TNRC18: variants seen among roughly 807,000 people sequenced by gnomAD.
TNRC18 encodes trinucleotide repeat-containing gene 18 protein.
TNRC18 carries 69 observed loss-of-function variants against 226.7 expected under a neutral mutation model. The ratio of observed to expected loss-of-function variants is 0.30; its 90% CI spans 0.25 to 0.37. The LOEUF is 0.37. TNRC18 is among the 10% of genes least tolerant of loss of function. TNRC18 has a pLI of 1.00. For synonymous variants in TNRC18, 2,449 were observed against 1,927.6 expected (o/e 1.27, Z -7.09); for missense variants, 4,754 against 4,256.6 (o/e 1.12, Z -3.25).
At chr7:5,409,903 A>G (rs1321535848) in intron 2 of TNRC18, among the ~76,000 whole-genome samples, 1 of 150,490 alleles carries the variant, frequency 6.6e-6, no homozygotes, top group East Asian at 2.0e-4. Context: ...AGGCAGGAGA[A>G]TGACATGAAC....
Position 5,313,428 on chromosome 7 carries a change from C to G in TNRC18, c.7463G>C (p.Gly2488Ala). 6.2e-7 allele frequency: 1 copy of G among 1,608,470 alleles called. No homozygotes were observed. Among genetic ancestry groups the G allele is most frequent in the Non-Finnish European group, 8.5e-7 (1 of 1,177,996 alleles). Residue 2488 changes from glycine to alanine, a missense_variant, in exon 27 of 30, where the codon GGG (glycine) becomes GCG (alanine). Physicochemically the swap from Gly to Ala is moderately conservative, Grantham distance 60. Coordinates refer to ENST00000430969, the MANE Select transcript of TNRC18 (RefSeq NM_001080495.3). ...CTTGGGCTCCTGCCAGCCCCCCGCC[C>G]CCGGATCCTCCCGGAGCAGCAGGGC... is the stretch of plus-strand genomic sequence containing the variant. Reference protein sequence around the residue: ...KEALLLREDPGAGGWQEPKSL... With the variant: ...KEALLLREDPAAGGWQEPKSL...
At position 5,351,832 on chromosome 7, in the gene TNRC18, T is replaced by TTCC; in HGVS notation, c.5454_5456dup (p.Glu1819dup). On this transcript the variant is annotated inframe_insertion, in exon 17 of 30. Coordinates refer to ENST00000430969, the MANE Select transcript of TNRC18 (RefSeq NM_001080495.3). ...GGAGCTAGTAACCTTGGTCAAACGA[T>TTCC]TCCTCCGAAGAGTCGCTGAAGGAGG... is the stretch of plus-strand genomic sequence containing the variant. 1 of 1,587,358 alleles carries TTCC rather than the reference T, an allele frequency of 6.3e-7. No homozygotes were observed. The highest frequency in any genetic ancestry group is 1.1e-5 in the South Asian group (1 of 87,990).
At chr7:5,363,240 T>C (rs1793253926) in intron 11 of TNRC18, among the ~76,000 whole-genome samples, 1 of 149,902 alleles carries the variant, frequency 6.7e-6, no homozygotes, top group Non-Finnish European at 1.5e-5. Flanking sequence ...GAGGCAGAGG[T>C]TGCAGTGAGC....
At chr7:5,362,126 G>A (rs1442463149) in intron 12 of TNRC18, 93 bp from the exon 13 acceptor site, 222 of 1,478,362 alleles carry the variant, frequency 1.5e-4, no homozygotes, top group Non-Finnish European at 1.2e-5. Context: ...AGGAAGGGGA[G>A]ACTGCACTGG....
chr7:5,412,360 G>A (rs867397921), intron 2 of TNRC18, among the ~76,000 whole-genome samples: 1 of 151,946 alleles, frequency 6.6e-6, no homozygotes, highest in African/African-American at 2.4e-5. Context: ...TGGATCACCT[G>A]AAGTCATGAG....
intron 10 of TNRC18, among the ~76,000 whole-genome samples, chr7:5,372,142 A>T (rs181323222): frequency 1.3e-5 from 2 of 151,216 alleles, no homozygotes; most frequent in Admixed American, 1.3e-4. Flanking sequence ...ATCGCGGCTC[A>T]CTACAAGCTC....
intron 2 of TNRC18, among the ~76,000 whole-genome samples, chr7:5,417,867 A>T (rs1433524572): frequency 6.6e-6 from 1 of 152,172 alleles, no homozygotes; most frequent in East Asian, 1.9e-4. Context: ...TTCTAAATCA[A>T]TCCCAGTAGG....
chr7:5,309,204 G>A lies in TNRC18; in HGVS notation c.8553C>T (p.Asn2851=). ...AGAACCACTTGACGCGGACCACCAT[G>A]TTGTTGCCCCACGACTCCCACATGC... ...IQSMWESWGN[N]MVVRVKWFYH... Residue 2851 remains asparagine (N), a synonymous_variant, in exon 28 of 30, where the codon AAC becomes AAT. Coordinates refer to ENST00000430969, the MANE Select transcript of TNRC18 (RefSeq NM_001080495.3). This position sits in a 1 kb window ranked among gnomAD's most constrained non-coding sequence, Gnocchi z 5.7. 2 of 1,613,638 alleles carry A rather than the reference G, an allele frequency of 1.2e-6. No homozygotes were observed.
intron 2 of TNRC18, among the ~76,000 whole-genome samples, chr7:5,402,706 T>G (rs1584084431): frequency 6.6e-6 from 1 of 151,812 alleles, no homozygotes; most frequent in East Asian, 1.9e-4. Flanking sequence ...ATATAAAAAC[T>G]AGCCGGGCGT....
chr7:5,397,502 C>T (rs1223830632), intron 2 of TNRC18, among the ~76,000 whole-genome samples: 31 of 152,218 alleles, frequency 2.0e-4, no homozygotes, highest in Admixed American at 2.0e-3. Context: ...CCCCAGCATC[C>T]CCAGCAAGGC....
chr7:5,374,198 G>GC lies in TNRC18; in HGVS notation c.3085_3086insG (p.Ser1029CysfsTer85). On this transcript the variant is annotated frameshift_variant, in exon 10 of 30. Coordinates refer to ENST00000430969, the MANE Select transcript of TNRC18 (RefSeq NM_001080495.3). LOFTEE classifies it high-confidence loss of function. ...GGCGGGCGGCGGGCTGGTGGGGTGGGAGCTGGGGGTGGCGGGGTAGGCGTA... is the reference window on the plus strand; with the variant it reads ...GGCGGGCGGCGGGCTGGTGGGGTGGGCAGCTGGGGGTGGCGGGGTAGGCGTA... The GC allele has an allele frequency of 2.2e-6, 2 of 899,912 alleles. No individual in the cohort carries two copies. The highest frequency in any genetic ancestry group is 7.1e-5 in the East Asian group (1 of 14,094). The allele number at this position is 899,912 out of a possible 1,614,324, so 55.7% of individuals were successfully genotyped here.
chr7:5,360,997 C>G (rs944588763), intron 14 of TNRC18, among the ~76,000 whole-genome samples: 1 of 152,316 alleles, frequency 6.6e-6, no homozygotes, highest in East Asian at 1.9e-4. Flanking sequence ...CCTTTCCGAT[C>G]GTGCTACAGA....
intron 5 of TNRC18, among the ~76,000 whole-genome samples, chr7:5,383,218 G>T (rs960875963): frequency 6.6e-6 from 1 of 152,094 alleles, no homozygotes; most frequent in East Asian, 1.9e-4. Context: ...GCCCCTTATC[G>T]TTCTTAGCTT....
intron 11 of TNRC18, among the ~76,000 whole-genome samples, chr7:5,365,053 G>T (rs926661862): frequency 6.6e-6 from 1 of 152,016 alleles, no homozygotes; most frequent in Non-Finnish European, 1.5e-5. Context: ...GGGCAGCCTA[G>T]AACACTCTTG....
chr7:5,391,295 G>A (rs1002686692), intron 3 of TNRC18, among the ~76,000 whole-genome samples: 1 of 151,818 alleles, frequency 6.6e-6, no homozygotes, highest in African/African-American at 2.4e-5. Flanking sequence ...GCATCAGGAC[G>A]TGCTGACTTC....
At chr7:5,382,249 C>T (rs1308691555) in intron 5 of TNRC18, among the ~76,000 whole-genome samples, 1 of 152,208 alleles carries the variant, frequency 6.6e-6, no homozygotes, top group Non-Finnish European at 1.5e-5. Context: ...CACCAACATA[C>T]ACGGCCCCAC....
intron 18 of TNRC18, among the ~76,000 whole-genome samples, chr7:5,342,921 C>T (rs1203711905): frequency 6.6e-6 from 1 of 152,172 alleles, no homozygotes; most frequent in Admixed American, 6.6e-5. Context: ...CAACCACCAC[C>T]CTAATCAGTC....
chr7:5,350,375 A>C (rs1359051467), intron 17 of TNRC18, among the ~76,000 whole-genome samples: 1 of 123,604 alleles, frequency 8.1e-6, no homozygotes, highest in East Asian at 2.4e-4. Context: ...TTTGGAGGGG[A>C]GGTCTGGGAG....
chr7:5,315,241 G>A (rs572316084), intron 25 of TNRC18, 93 bp from the exon 26 acceptor site: 34 of 1,385,914 alleles, frequency 2.5e-5, no homozygotes, highest in South Asian at 3.0e-5. Context: ...CAGGGATGGG[G>A]GCGGAAGCAA....
Sources: allele counts gnomAD v4.1 joint callset (sites outside exome capture counted in the v4.1 genomes callset), GRCh38; gene constraint gnomAD v4.1.1; non-coding constraint Gnocchi (gnomAD v3.1); transcripts MANE v1.5; gene names NCBI Gene and HGNC (gene_info 2026-07-23, HGNC 2026-07-21).